TRPM3: variants seen among roughly 807,000 people sequenced by gnomAD.
The protein encoded by TRPM3 is long transient receptor potential channel 3.
TRPM3 carries 77 observed loss-of-function variants against 181.2 expected under a neutral mutation model. The observed-to-expected ratio is 0.42, with a 90% CI of 0.35 to 0.51. The LOEUF is 0.51. Among genes scored for constraint, TRPM3 ranks in the 20% least tolerant of loss-of-function variants. The pLI, the probability that TRPM3 is intolerant of heterozygous loss-of-function variation, is 0.01. For synonymous variants in TRPM3, 745 were observed against 796.4 expected (o/e 0.94, Z 1.09); for missense variants, 1,759 against 2,196.7 (o/e 0.80, Z 3.98).
intron 1 of TRPM3, among the ~76,000 whole-genome samples, chr9:71,228,964 A>G (rs2131892493): frequency 6.6e-6 from 1 of 152,226 alleles, no homozygotes; most frequent in Admixed American, 6.5e-5. Context: ...GTAGAAAAAA[A>G]GATCAAAAAA....
chr9:70,888,498 T>A (rs1319386698), intron 1 of TRPM3, among the ~76,000 whole-genome samples: 1 of 152,082 alleles, frequency 6.6e-6, no homozygotes, highest in Non-Finnish European at 1.5e-5. Flanking sequence ...AAGTTTACTA[T>A]TTTTTATTAG....
At chr9:71,339,721 A>G (rs563001237) in intron 1 of TRPM3, among the ~76,000 whole-genome samples, 119 of 152,046 alleles carry the variant, frequency 7.8e-4, no homozygotes, top group Non-Finnish European at 1.2e-3. Context: ...CAGATCTGTG[A>G]TTTCTGGAGG....
At chr9:70,851,288 A>G (rs1329817919) in intron 3 of TRPM3, among the ~76,000 whole-genome samples, 1 of 152,258 alleles carries the variant, frequency 6.6e-6, no homozygotes, top group Non-Finnish European at 1.5e-5. Context: ...ACCTGGGAAT[A>G]GATATGCATA....
At chr9:70,838,146 A>G (rs2131895499) in intron 5 of TRPM3, among the ~76,000 whole-genome samples, 1 of 152,346 alleles carries the variant, frequency 6.6e-6, no homozygotes, top group South Asian at 2.1e-4. Flanking sequence ...TGGCATGTCA[A>G]TATGTCATGT....
intron 1 of TRPM3, among the ~76,000 whole-genome samples, chr9:71,002,677 T>C (rs1283490206): frequency 2.0e-5 from 3 of 152,292 alleles, no homozygotes; most frequent in Admixed American, 2.0e-4. Flanking sequence ...TTTAACATTA[T>C]TGAAATCGAA....
At chr9:70,771,189 T>C (rs1445113102) in intron 7 of TRPM3, among the ~76,000 whole-genome samples, 5 of 152,192 alleles carry the variant, frequency 3.3e-5, no homozygotes, top group African/African-American at 4.8e-5. Flanking sequence ...TTAATATTTT[T>C]GAAGTCTGTA....
At chr9:70,835,819 A>G (rs1474030039) in intron 5 of TRPM3, among the ~76,000 whole-genome samples, 2 of 152,162 alleles carry the variant, frequency 1.3e-5, no homozygotes, top group African/African-American at 4.8e-5. Context: ...GAGAAGCAGT[A>G]TTGGTCTCTA....
chr9:70,780,530 C>T (rs1286676201), intron 7 of TRPM3, among the ~76,000 whole-genome samples: 2 of 145,946 alleles, frequency 1.4e-5, no homozygotes, highest in East Asian at 2.3e-4. Flanking sequence ...TCTAGGTGGG[C>T]CATTTTTTTT....
In TRPM3 at chr9:71,134,826, C is replaced by T. The variant is rs191165179; in HGVS notation, c.184-270315G>A. Among the ~76,000 whole-genome samples the T allele has an allele frequency of 2.4e-3, 358 of 152,232 alleles. 2 individuals carry two copies. Among genetic ancestry groups the T allele is most frequent in the African/African-American group, 8.3e-3 (344 of 41,542 alleles). ...GAGACTTTGAAGCTCAGAGTCAATA[C>T]CTTGAATTAAGCTCTGTGGACTTAC... On this transcript the variant is annotated intron_variant, in intron 1 of 24. Transcript: ENST00000357533.
At position 70,686,690 on chromosome 9, in the gene TRPM3, C is replaced by CTTCCTTCCTTCT. The variant is rs1475902591; in HGVS notation, c.1273-5113_1273-5112insAGAAGGAAGGAA. On this transcript the variant is annotated intron_variant, in intron 8 of 25. Coordinates refer to ENST00000677713, the MANE Select transcript of TRPM3 (RefSeq NM_001366145.2). ...TTCCTGGAAACTCCTTCCTTCTTTC[C>CTTCCTTCCTTCT]TTCCTTCCTTCCTTCCTTCCTTCCT... Among the ~76,000 whole-genome samples the CTTCCTTCCTTCT allele has an allele frequency of 4.6e-3, 187 of 40,442 alleles. 2 individuals carry two copies. Among genetic ancestry groups the CTTCCTTCCTTCT allele is most frequent in the African/African-American group, 0.017 (173 of 10,460 alleles). 26.5% of individuals were successfully genotyped at this position (40,442 alleles called of 152,430 possible). A position where few individuals can be genotyped will look rare whatever the true frequency, so the allele number is the denominator to read the frequency against.
intron 1 of TRPM3, among the ~76,000 whole-genome samples, chr9:71,409,748 C>A (rs910653104): frequency 1.3e-5 from 2 of 152,126 alleles, no homozygotes; most frequent in Non-Finnish European, 2.9e-5. Flanking sequence ...CAGCTCTATA[C>A]CAAGTGGACC....
At chr9:70,624,701 A>C (rs2064216990) in intron 14 of TRPM3, among the ~76,000 whole-genome samples, 1 of 152,230 alleles carries the variant, frequency 6.6e-6, no homozygotes, top group East Asian at 1.9e-4. Context: ...GACTGAATCC[A>C]CAAGTAGATA....
chr9:70,803,860 C>T (rs2089979124), intron 6 of TRPM3, among the ~76,000 whole-genome samples: 1 of 152,110 alleles, frequency 6.6e-6, no homozygotes, highest in Admixed American at 6.5e-5. Flanking sequence ...TTCTACCCTC[C>T]TCACTCCCAC....
rs574146994 is a variant in TRPM3 at position 71,016,020 on chromosome 9, C to G, written c.177+105158G>C. ...GGCCATCCTGTTCAACATGGTGAAA[C>G]CCCATCTCTACTAAAAATACAAAAA... On this transcript the variant is annotated intron_variant, in intron 1 of 25. Transcript: ENST00000677713. Among the ~76,000 whole-genome samples, 7 of 151,844 alleles carry G rather than the reference C, an allele frequency of 4.6e-5. No individual in the cohort carries two copies. The East Asian group carries it at 1.4e-3, about 29-fold the overall frequency.
chr9:70,686,711 TTCCTTCC>T (rs1563995035), intron 8 of TRPM3, among the ~76,000 whole-genome samples: 32 of 125,554 alleles, frequency 2.5e-4, no homozygotes, highest in African/African-American at 9.2e-4. Flanking sequence ...CCTTCCTTCC[TTCCTTCC>T]TTCCTTCCTT....
intron 1 of TRPM3, among the ~76,000 whole-genome samples, chr9:71,164,423 T>C (rs2076432111): frequency 6.6e-6 from 1 of 152,098 alleles, no homozygotes; most frequent in Non-Finnish European, 1.5e-5. Context: ...CGACGGGAAC[T>C]CTATGGCTGG....
chr9:70,829,904 A>G (rs928296843), intron 5 of TRPM3, among the ~76,000 whole-genome samples: 7 of 152,180 alleles, frequency 4.6e-5, no homozygotes, highest in Admixed American at 1.3e-4. Flanking sequence ...CATTCATTCT[A>G]CAGCAGAGTG....
intron 1 of TRPM3, among the ~76,000 whole-genome samples, chr9:71,147,397 C>T (rs2075471903): frequency 6.8e-6 from 1 of 146,464 alleles, no homozygotes; most frequent in African/African-American, 2.5e-5. Flanking sequence ...TACCACTGAA[C>T]ATCTGCCCTC....
intron 1 of TRPM3, among the ~76,000 whole-genome samples, chr9:71,196,532 A>G (rs118057615): frequency 1.3e-5 from 2 of 151,800 alleles, no homozygotes; most frequent in Non-Finnish European, 2.9e-5. Context: ...GATCCTGTGT[A>G]TTTTGCCACA....
Sources: allele counts gnomAD v4.1 joint callset (sites outside exome capture counted in the v4.1 genomes callset), GRCh38; gene constraint gnomAD v4.1.1; transcripts MANE v1.5; gene names NCBI Gene and HGNC (gene_info 2026-07-23, HGNC 2026-07-21).